SEMA5B: variants seen among roughly 807,000 people sequenced by gnomAD.
SEMA5B encodes semaphorin-5B.
SEMA5B carries 66 observed loss-of-function variants against 135.0 expected under a neutral mutation model. That is an observed-to-expected ratio of 0.49 (90% confidence interval 0.40 to 0.60). The LOEUF (loss-of-function observed/expected upper bound fraction) is 0.60, where lower values mean the gene tolerates loss of function less well. Ranked by LOEUF, SEMA5B falls within the 20% of genes least tolerant of loss-of-function variation. SEMA5B has a pLI of 0.00. For missense variants in SEMA5B, 1,501 were observed against 1,566.3 expected (o/e 0.96, Z 0.70); for synonymous variants, 690 against 639.5 (o/e 1.08, Z -1.19).
At chr3:122,972,929 T>C (rs6802006) in intron 1 of SEMA5B, among the ~76,000 whole-genome samples, 79,829 of 151,874 alleles carry the variant, frequency 0.53, 23,032 homozygotes, top group African/African-American at 0.77. Flanking sequence ...CCAGAAACAC[T>C]CTTATTCCCC....
Position 122,915,887 on chromosome 3 carries a change from T to C in SEMA5B, c.1692A>G (p.Ala564=), listed in dbSNP as rs966315021. ...AGTACGGGTCCCGGGCCCCCAGGCATGCCCTGCCAGACAGACGTCCTGAGA... is the reference window on the plus strand; with the variant it reads ...AGTACGGGTCCCGGGCCCCCAGGCACGCCCTGCCAGACAGACGTCCTGAGA... ...ERCAAYRSQG[A]CLGARDPYCG... is the part of the protein sequence containing the mutation. Residue 564 remains alanine (A), a synonymous_variant, in exon 13 of 23, where the codon GCA becomes GCG. Coordinates refer to ENST00000357599, the MANE Select transcript of SEMA5B (RefSeq NM_001031702.4). The C allele has an allele frequency of 1.9e-6, 3 of 1,613,770 alleles. No individual in the cohort carries two copies. The highest frequency in any genetic ancestry group is 2.5e-6 in the Non-Finnish European group (3 of 1,179,766).
At chr3:122,982,530 G>A (rs899514813) in intron 1 of SEMA5B, among the ~76,000 whole-genome samples, 4 of 152,130 alleles carry the variant, frequency 2.6e-5, no homozygotes, top group South Asian at 2.1e-4. Context: ...CGCCCATTAC[G>A]GGGATAATTA....
At chr3:122,930,246 G>A (rs1192413174) in intron 5 of SEMA5B, among the ~76,000 whole-genome samples, 1 of 152,242 alleles carries the variant, frequency 6.6e-6, no homozygotes, top group Non-Finnish European at 1.5e-5. Context: ...AACCTGCCCT[G>A]GTGATGGCTG....
chr3:122,953,765 G>C (rs74682509), intron 2 of SEMA5B, among the ~76,000 whole-genome samples: 1 of 152,154 alleles, frequency 6.6e-6, no homozygotes, highest in South Asian at 2.1e-4. Flanking sequence ...CTGACTTTTC[G>C]AGGCAAGTTC....
intron 12 of SEMA5B, among the ~76,000 whole-genome samples, chr3:122,917,669 T>A (rs1352166905): frequency 1.3e-5 from 2 of 152,134 alleles, no homozygotes; most frequent in Non-Finnish European, 2.9e-5. Context: ...ACCCGCAGCC[T>A]CATATAAGCG....
At chr3:123,010,098 G>A (rs563343763) in intron 1 of SEMA5B, among the ~76,000 whole-genome samples, 19 of 152,326 alleles carry the variant, frequency 1.2e-4, no homozygotes, top group Non-Finnish European at 1.9e-4. Flanking sequence ...CTGGAGGACC[G>A]GAGGTGGCTG....
chr3:122,935,682 C>CTTTTTTTTTTTT (rs1402707939), intron 5 of SEMA5B, among the ~76,000 whole-genome samples: 2 of 70,730 alleles, frequency 2.8e-5, no homozygotes, highest in African/African-American at 5.6e-5. Context: ...CTTTTTCTTT[C>CTTTTTTTTTTTT]TTTCTTTTTT....
At chr3:122,948,390 C>A in intron 3 of SEMA5B, 116 bp downstream of exon 3, 1 of 818,366 alleles carries the variant, frequency 1.2e-6, no homozygotes, top group South Asian at 2.5e-5. Flanking sequence ...CGGGACCCAG[C>A]AGTTAATGAA....
intron 2 of SEMA5B, 39 bp downstream of exon 2, chr3:122,961,101 A>G (rs779080653): frequency 6.4e-7 from 1 of 1,565,356 alleles, no homozygotes; most frequent in South Asian, 1.2e-5. Context: ...TCAGTCTGGT[A>G]CCTGCTGCAG....
At chr3:122,961,326 G>A (rs1199199983) in intron 1 of SEMA5B, 25 bp from the exon 2 acceptor site, 2 of 1,603,600 alleles carry the variant, frequency 1.2e-6, no homozygotes, top group African/African-American at 2.7e-5. Flanking sequence ...TTTTGGGTAA[G>A]TCATGGATAC....
chr3:123,000,038 T>C (rs1165025435), intron 1 of SEMA5B, among the ~76,000 whole-genome samples: 2 of 151,948 alleles, frequency 1.3e-5, no homozygotes, highest in Non-Finnish European at 2.9e-5. Flanking sequence ...TGAAACCCCA[T>C]CTCTACTAAA....
In SEMA5B at chr3:122,948,683, C is replaced by T. The variant is rs770791208; in HGVS notation, c.151G>A (p.Ala51Thr). 1.2e-5 allele frequency: 20 copies of T among 1,606,908 alleles called. No individual in the cohort carries two copies. The highest frequency in any genetic ancestry group is 1.5e-5 in the Non-Finnish European group (18 of 1,174,854). Reference protein sequence around the residue: ...RGLLPCLPPGARTAEGPIMVL... With the variant: ...RGLLPCLPPGTRTAEGPIMVL... ...ATGATAGGCCCCTCTGCAGTCCTAG[C>T]TCCGGGAGGCAGACAGGGGAGAAGA... The change falls in exon 3 of 23, where the codon GCT becomes ACT. Residue 51 changes from alanine (A) to threonine (T), a missense_variant. Ala to Thr is a moderately conservative substitution (Grantham distance 58, BLOSUM62 0). This residue lies in a region of SEMA5B where 574 missense variants were observed against 684.7 expected (regional missense o/e 0.84). Transcript: ENST00000357599.
chr3:123,000,368 T>C (rs1378277261), intron 1 of SEMA5B, among the ~76,000 whole-genome samples: 1 of 152,094 alleles, frequency 6.6e-6, no homozygotes, highest in Non-Finnish European at 1.5e-5. Flanking sequence ...TCAGTCATGG[T>C]GGCCACAGCC....
intron 12 of SEMA5B, among the ~76,000 whole-genome samples, chr3:122,920,130 C>T (rs1938275110): frequency 6.6e-6 from 1 of 152,256 alleles, no homozygotes; most frequent in South Asian, 2.1e-4. Flanking sequence ...CGTGACTGCA[C>T]TCCACTGCTC....
chr3:122,983,466 G>T (rs1941593318), intron 1 of SEMA5B, among the ~76,000 whole-genome samples: 1 of 151,750 alleles, frequency 6.6e-6, no homozygotes. Flanking sequence ...ACGGGGCGGG[G>T]TGGTAAAAAA....
At chr3:123,014,143 C>A (rs1355328395) in intron 1 of SEMA5B, among the ~76,000 whole-genome samples, 2 of 152,206 alleles carry the variant, frequency 1.3e-5, no homozygotes, top group East Asian at 3.9e-4. Context: ...TGACAGGATC[C>A]TGGCAAGCAC....
chr3:123,007,490 C>A (rs547741017), intron 1 of SEMA5B, among the ~76,000 whole-genome samples: 3 of 152,280 alleles, frequency 2.0e-5, no homozygotes, highest in African/African-American at 7.2e-5. Flanking sequence ...GAAATTTAAT[C>A]CCCAATGTAG....
intron 1 of SEMA5B, among the ~76,000 whole-genome samples, chr3:122,984,508 CTT>C (rs1941635217): frequency 6.6e-6 from 1 of 152,208 alleles, no homozygotes; most frequent in Non-Finnish European, 1.5e-5. Flanking sequence ...GTCTTTGTCT[CTT>C]TGCTCTCTCT....
At chr3:123,028,507 G>A (rs958982262), upstream of SEMA5B, 1 of 152,284 alleles carries the variant, frequency 6.6e-6, no homozygotes, top group African/African-American at 2.4e-5. Flanking sequence ...CAGGAACAGT[G>A]GGAGGGCAGC....
Sources: allele counts gnomAD v4.1 joint callset (sites outside exome capture counted in the v4.1 genomes callset), GRCh38; gene constraint gnomAD v4.1.1; regional missense constraint gnomAD v4.1.1; transcripts MANE v1.5; gene names NCBI Gene and HGNC (gene_info 2026-07-23, HGNC 2026-07-21).